SEC16A: variants seen among roughly 807,000 people sequenced by gnomAD.
SEC16A encodes the protein SEC16 homolog A, endoplasmic reticulum export factor.
SEC16A carries 110 observed loss-of-function variants against 221.9 expected under a neutral mutation model. The ratio of observed to expected loss-of-function variants is 0.50; its 90% CI spans 0.42 to 0.58. The LOEUF (loss-of-function observed/expected upper bound fraction) is 0.58, where lower values mean the gene tolerates loss of function less well. SEC16A is among the 20% of genes least tolerant of loss of function. The pLI is 0.00. For missense variants in SEC16A, 3,165 were observed against 3,097.8 expected (o/e 1.02, Z -0.52); for synonymous variants, 1,393 against 1,257.7 (o/e 1.11, Z -2.28).
At chr9:136,461,972 G>A (rs993122228) in intron 12 of SEC16A, among the ~76,000 whole-genome samples, 1 of 151,910 alleles carries the variant, frequency 6.6e-6, no homozygotes, top group African/African-American at 2.4e-5. Context: ...GCCAGGCGTG[G>A]TGGCATGCAG....
At chr9:136,441,950 G>T in intron 31 of SEC16A, 127 bp from the exon 32 acceptor site, 2 of 804,676 alleles carry the variant, frequency 2.5e-6, no homozygotes, top group Non-Finnish European at 4.0e-6. Flanking sequence ...CAAGCTGAAG[G>T]CTTCGTTTTT....
chr9:136,467,094 G>C lies in SEC16A; in HGVS notation c.3803-11C>G, dbSNP rs981363759. On this transcript the variant is annotated splice_polypyrimidine_tract_variant and intron_variant, in intron 5 of 31. Transcript: ENST00000684901. ...CCCAGTGACCTGGATCTGTGAGCAA[G>C]GAATTAATGATTAATACAGTAACAT... The C allele has an allele frequency of 1.2e-6, 2 of 1,613,532 alleles. No homozygotes were observed. Among genetic ancestry groups the C allele is most frequent in the Middle Eastern group, 1.6e-4 (1 of 6,062 alleles).
upstream of SEC16A, chr9:136,484,214 G>A (rs897376574): frequency 2.0e-5 from 7 of 344,162 alleles, no homozygotes; most frequent in African/African-American, 1.1e-4. Context: ...GGGGCGCTGG[G>A]GTCCCAGCCT....
chr9:136,451,390 G>C lies in SEC16A; in HGVS notation c.6178C>G (p.Pro2060Ala), dbSNP rs1837786755. The change falls in exon 23 of 32, where the codon CCA (proline) becomes GCA (alanine). Residue 2060 changes from proline (P) to alanine (A), a missense_variant. By Grantham distance (27) the Pro-to-Ala change is conservative (BLOSUM62 -1). Transcript: ENST00000684901. ...CACCCTGGGGGGGCCTCCGAGTCTG[G>C]CACCGTCCTCGAGGGGGTCTGTCGC... ...FANLTPSRTVPDSEAPPGWDR... is the reference protein window; with the variant it reads ...FANLTPSRTVADSEAPPGWDR... 3 of 1,609,766 alleles carry C rather than the reference G, an allele frequency of 1.9e-6. No individual in the cohort carries two copies. The highest frequency in any genetic ancestry group is 2.5e-6 in the Non-Finnish European group (3 of 1,178,176).
In SEC16A at chr9:136,476,040, T is replaced by C. The variant is rs1841578565; in HGVS notation, c.1576A>G (p.Ser526Gly). Residue 526 changes from serine to glycine, a missense_variant, in exon 3 of 32, where the codon AGC becomes GGC. Around this residue, in one of 3 missense-constraint regions of SEC16A, gnomAD observed 2,030 missense variants for 1,923.1 expected, o/e 1.06. Transcript: ENST00000684901. ...GAGAGCCTTCCGTGGCTTCTGCTGCTATAGCTGGATGACACGCTGTCAGGG... is the reference window on the plus strand; with the variant it reads ...GAGAGCCTTCCGTGGCTTCTGCTGCCATAGCTGGATGACACGCTGTCAGGG... ...VHPDSVSSSY[S>G]SRSHGRLSGS... 3 of 1,613,324 alleles carry C rather than the reference T, an allele frequency of 1.9e-6. No homozygotes were observed. The highest frequency in any genetic ancestry group is 1.3e-5 in the African/African-American group (1 of 74,860).
chr9:136,445,805 G>T, intron 28 of SEC16A, 86 bp from the exon 29 acceptor site: 1 of 1,213,214 alleles, frequency 8.2e-7, no homozygotes, highest in Non-Finnish European at 1.2e-6. Flanking sequence ...AAACTGTTCT[G>T]GCCTGGGTTA....
chr9:136,444,029 A>G (rs1456369523), intron 30 of SEC16A, 129 bp from the exon 31 acceptor site: 1 of 600,528 alleles, frequency 1.7e-6, no homozygotes, highest in Non-Finnish European at 2.9e-6. Context: ...AAGCAGATCC[A>G]AGACACTTCT....
At chr9:136,469,094 C>T (rs1345532082) in intron 4 of SEC16A, among the ~76,000 whole-genome samples, 1 of 152,186 alleles carries the variant, frequency 6.6e-6, no homozygotes, top group Non-Finnish European at 1.5e-5. Context: ...AAGCGATCCA[C>T]CCACCTCAGC....
intron 4 of SEC16A, among the ~76,000 whole-genome samples, chr9:136,469,773 C>G (rs1171444902): frequency 6.6e-6 from 1 of 152,222 alleles, no homozygotes; most frequent in Non-Finnish European, 1.5e-5. Context: ...GCTGCACACC[C>G]GCCGCTGAGG....
intron 4 of SEC16A, among the ~76,000 whole-genome samples, chr9:136,471,634 G>A (rs966839521): frequency 2.6e-5 from 4 of 152,202 alleles, no homozygotes; most frequent in African/African-American, 9.7e-5. Flanking sequence ...CACCCCATTA[G>A]CAAATGGCCG....
In SEC16A at chr9:136,466,050, G is replaced by A. The variant is rs368855876; in HGVS notation, c.4215C>T (p.Tyr1405=). ...PPGSFHGDFA[Y]GTYRSNFSSG... ...TGCTGAAATTGCTGCGGTAGGTGCCGTAGGCAAAATCGCCGTGAAAGGAGC... is the reference window on the plus strand; with the variant it reads ...TGCTGAAATTGCTGCGGTAGGTGCCATAGGCAAAATCGCCGTGAAAGGAGC... The change falls in exon 8 of 32, where the codon TAC becomes TAT. Residue 1405 remains tyrosine, a synonymous_variant. Transcript: ENST00000684901. This position sits in a 1 kb window ranked among gnomAD's most constrained non-coding sequence, Gnocchi z 5.5. 3.1e-4 allele frequency: 496 copies of A among 1,613,450 alleles called. 5 individuals carry two copies. The highest frequency in any genetic ancestry group is 1.8e-3 in the Middle Eastern group (11 of 6,062).
intron 3 of SEC16A, 99 bp downstream of exon 3, chr9:136,473,950 C>A (rs1841252614): frequency 1.5e-6 from 2 of 1,341,238 alleles, no homozygotes; most frequent in Non-Finnish European, 2.0e-6. Context: ...GACCCCGGAA[C>A]CAAGCGAACA....
At chr9:136,465,484 C>T (rs1384233841) in intron 8 of SEC16A, among the ~76,000 whole-genome samples, 1 of 152,170 alleles carries the variant, frequency 6.6e-6, no homozygotes, top group Non-Finnish European at 1.5e-5. Context: ...CAAAAAAACT[C>T]AGCCTACCAT....
chr9:136,481,169 C>T (rs953817240), intron 1 of SEC16A, among the ~76,000 whole-genome samples: 8 of 111,850 alleles, frequency 7.2e-5, no homozygotes, highest in African/African-American at 2.8e-4. Flanking sequence ...GAGTCTTGCT[C>T]TTTCACCCAG....
rs762068213 is a variant in SEC16A at position 136,446,950 on chromosome 9, C to G, written c.6698-1G>C. The G allele has an allele frequency of 5.6e-6, 9 of 1,613,544 alleles. No individual in the cohort carries two copies. In the African/African-American group the frequency reaches 1.2e-4, roughly 22 times the overall value. ...TCTGGAAGCTGTGGTTCTTCTGCAT[C>G]TGGGGATGAGAGAGCGAGGAGGCCA... On this transcript the variant is annotated splice_acceptor_variant, in intron 27 of 31. Coordinates refer to ENST00000684901, the MANE Select transcript of SEC16A (RefSeq NM_014866.2). LOFTEE classifies it high-confidence loss of function.
chr9:136,452,173 G>T (rs1435953665), intron 22 of SEC16A, among the ~76,000 whole-genome samples: 1 of 152,158 alleles, frequency 6.6e-6, no homozygotes, highest in Non-Finnish European at 1.5e-5. Context: ...GCCGGGCTGG[G>T]CGGGGTGGCT....
chr9:136,467,189 T>C (rs1840271705), intron 5 of SEC16A, 106 bp from the exon 6 acceptor site: 1 of 1,325,776 alleles, frequency 7.5e-7, no homozygotes, highest in Non-Finnish European at 1.0e-6. Context: ...CTCCAAGGAC[T>C]CCTCGAGAAA....
chr9:136,449,680 G>C (rs951196497), intron 23 of SEC16A, among the ~76,000 whole-genome samples: 2 of 152,220 alleles, frequency 1.3e-5, no homozygotes, highest in African/African-American at 4.8e-5. Flanking sequence ...AGCCTCAGCA[G>C]CTACTACACA....
chr9:136,452,256 G>C (rs951854577), intron 22 of SEC16A, among the ~76,000 whole-genome samples: 2 of 151,254 alleles, frequency 1.3e-5, no homozygotes, highest in African/African-American at 2.4e-5. Context: ...AGATCAGCCT[G>C]GCCAAGATGG....
Sources: allele counts gnomAD v4.1 joint callset (sites outside exome capture counted in the v4.1 genomes callset), GRCh38; gene constraint gnomAD v4.1.1; regional missense constraint gnomAD v4.1.1; non-coding constraint Gnocchi (gnomAD v3.1); transcripts MANE v1.5; gene names NCBI Gene and HGNC (gene_info 2026-07-23, HGNC 2026-07-21).